Variants in NOS1AP observed in about 807,000 individuals in gnomAD.
NOS1AP encodes carboxyl-terminal PDZ ligand of neuronal nitric oxide synthase protein.
A neutral mutation model predicts 56.2 loss-of-function variants in NOS1AP; 21 were observed. The ratio of observed to expected loss-of-function variants is 0.37; its 90% CI spans 0.26 to 0.54. NOS1AP has a LOEUF of 0.54. NOS1AP is among the 20% of genes least tolerant of loss of function. The probability of loss-of-function intolerance (pLI) is 0.84; values close to 1 mark genes in which losing one functional copy is unlikely to be tolerated. For missense variants in NOS1AP, 522 were observed against 657.8 expected, an observed-to-expected ratio of 0.79 and a Z score of 2.26; for synonymous variants, 270 against 274.6, an observed-to-expected ratio of 0.98 and a Z score of 0.17.
chr1:162,244,782 A>AT (rs899040067), intron 2 of NOS1AP, among the ~76,000 whole-genome samples: 17 of 152,214 alleles, frequency 1.1e-4, no homozygotes, highest in African/African-American at 4.1e-4. Flanking sequence ...ACAAACAAAA[A>AT]TTTTTTTAGA....
intron 1 of NOS1AP, among the ~76,000 whole-genome samples, chr1:162,091,269 G>A (rs1042767015): frequency 2.6e-5 from 4 of 152,240 alleles, no homozygotes; most frequent in African/African-American, 9.6e-5. Context: ...CGAACCTCCT[G>A]TGGGTCCCCT....
intron 1 of NOS1AP, among the ~76,000 whole-genome samples, chr1:162,127,950 A>T (rs1013468948): frequency 6.6e-6 from 1 of 152,358 alleles, no homozygotes; most frequent in East Asian, 1.9e-4. Context: ...CACCAAAAAA[A>T]TGATGATTTG....
At chr1:162,122,496 A>G (rs1240608931) in intron 1 of NOS1AP, among the ~76,000 whole-genome samples, 1 of 146,538 alleles carries the variant, frequency 6.8e-6, no homozygotes, top group East Asian at 2.0e-4. Flanking sequence ...AGAGAATGAT[A>G]TAATGAATCC....
chr1:162,115,972 A>G (rs1571024178), intron 1 of NOS1AP, among the ~76,000 whole-genome samples: 2 of 152,216 alleles, frequency 1.3e-5, no homozygotes, highest in South Asian at 2.1e-4. Flanking sequence ...CACGATGTCA[A>G]ATACTCAAAG....
intron 1 of NOS1AP, among the ~76,000 whole-genome samples, chr1:162,075,194 T>C (rs1691741957): frequency 6.6e-6 from 1 of 152,128 alleles, no homozygotes; most frequent in Non-Finnish European, 1.5e-5. Flanking sequence ...CCTTGGTGTA[T>C]CTCCCCCTCC....
chr1:162,359,059 GT>G (rs1404346754), intron 8 of NOS1AP, among the ~76,000 whole-genome samples: 1 of 152,152 alleles, frequency 6.6e-6, no homozygotes, highest in African/African-American at 2.4e-5. Flanking sequence ...CCCTGGCCCT[GT>G]TTTAATTGTG....
At chr1:162,219,207 G>A (rs1468527942) in intron 2 of NOS1AP, among the ~76,000 whole-genome samples, 1 of 152,344 alleles carries the variant, frequency 6.6e-6, no homozygotes, top group Admixed American at 6.5e-5. Flanking sequence ...TTCATTGGGT[G>A]GTTGTGATCG....
rs563923897 is a variant in NOS1AP at position 162,242,633 on chromosome 1, T to C, written c.178-44711T>C. Among the ~76,000 whole-genome samples, 6 of 152,250 alleles carry C rather than the reference T, an allele frequency of 3.9e-5. No homozygotes were observed. The South Asian group carries it at 1.2e-3, about 32-fold the overall frequency. ...CCCAAGCAAGAACTGCCCAGCCAAG[T>C]CTCTTCCACATTCCTGACCCACAAG... On this transcript the variant is annotated intron_variant, in intron 2 of 9. Coordinates refer to ENST00000361897, the MANE Select transcript of NOS1AP (RefSeq NM_014697.3).
chr1:162,078,501 T>C (rs1457810603), intron 1 of NOS1AP, among the ~76,000 whole-genome samples: 1 of 152,066 alleles, frequency 6.6e-6, no homozygotes, highest in Non-Finnish European at 1.5e-5. Flanking sequence ...CCCAGTGACA[T>C]CCATCCACCC....
chr1:162,174,114 G>A (rs1424437354), intron 2 of NOS1AP, among the ~76,000 whole-genome samples: 2 of 152,126 alleles, frequency 1.3e-5, no homozygotes, highest in Admixed American at 6.5e-5. Context: ...GCACACGTAT[G>A]TTTATTGCGG....
At chr1:162,114,325 A>G (rs1647842062) in intron 1 of NOS1AP, among the ~76,000 whole-genome samples, 1 of 152,128 alleles carries the variant, frequency 6.6e-6, no homozygotes, top group Non-Finnish European at 1.5e-5. Flanking sequence ...CAACATCTAT[A>G]GGGCAAGCTT....
intron 5 of NOS1AP, among the ~76,000 whole-genome samples, chr1:162,337,770 C>T (rs1225993219): frequency 6.6e-6 from 1 of 152,196 alleles, no homozygotes; most frequent in Admixed American, 6.5e-5. Flanking sequence ...ATCACACCTG[C>T]TTTGAAACTA....
chr1:162,358,256 C>T (rs924074733), intron 8 of NOS1AP, among the ~76,000 whole-genome samples: 5 of 152,182 alleles, frequency 3.3e-5, no homozygotes, highest in African/African-American at 1.2e-4. Flanking sequence ...CACCTTTCCA[C>T]CTTGAGGAGG....
At chr1:162,364,289 C>A in intron 8 of NOS1AP, 1 of 985,500 alleles carries the variant, frequency 1.0e-6, no homozygotes, top group Non-Finnish European at 1.2e-6. Context: ...TACAAGAACA[C>A]CCTTTTCCCC....
At chr1:162,179,155 A>T (rs754303904) in intron 2 of NOS1AP, among the ~76,000 whole-genome samples, 82 of 152,144 alleles carry the variant, frequency 5.4e-4, no homozygotes, top group Non-Finnish European at 7.5e-4. Context: ...CTGGGTATTT[A>T]TTTTATGTAA....
At chr1:162,159,756 C>T (rs12068421) in intron 2 of NOS1AP, among the ~76,000 whole-genome samples, 26,641 of 152,142 alleles carry the variant, frequency 0.18, 2,910 homozygotes, top group African/African-American at 0.31. Flanking sequence ...TTAATAACCA[C>T]CTGAGCATAA....
intron 1 of NOS1AP, among the ~76,000 whole-genome samples, chr1:162,113,870 G>C (rs1176691745): frequency 6.6e-6 from 1 of 152,024 alleles, no homozygotes; most frequent in Non-Finnish European, 1.5e-5. Context: ...CCACAGTAGA[G>C]CACTTGCCTC....
rs115438202 is a variant in NOS1AP at position 162,314,453 on chromosome 1, A to T, written c.344+13747A>T. On this transcript the variant is annotated intron_variant, in intron 4 of 9. Coordinates refer to ENST00000361897, the MANE Select transcript of NOS1AP (RefSeq NM_014697.3). The stretch of plus-strand genomic sequence containing the variant: ...GGAAACAGGCTGGTCACAGTTCTAC[A>T]ACAAAATGATTGGCTGGTGTCAAAT... Among the ~76,000 whole-genome samples the T allele has an allele frequency of 3.0e-3, 462 of 152,386 alleles. 3 individuals are homozygous for T. Among genetic ancestry groups the T allele is most frequent in the African/African-American group, 0.011 (438 of 41,598 alleles).
At chr1:162,167,672 G>T (rs374497993) in intron 2 of NOS1AP, among the ~76,000 whole-genome samples, 2 of 152,186 alleles carry the variant, frequency 1.3e-5, no homozygotes, top group Non-Finnish European at 2.9e-5. Context: ...TATCTGAGGG[G>T]GTCTCTCCCG....
Sources: gnomAD v4.1 joint callset for allele counts (sites outside exome capture counted in the v4.1 genomes callset) on GRCh38, gnomAD v4.1.1 for gene constraint, MANE v1.5 for transcripts, NCBI Gene and HGNC (gene_info 2026-07-23, HGNC 2026-07-21) for gene names.